The following PTPRS variants were observed in gnomAD, a reference collection of about 807,000 sequenced individuals.
PTPRS encodes the protein receptor-type tyrosine-protein phosphatase S.
In PTPRS, 63 loss-of-function variants were observed where a neutral mutation model predicts 215.3. That is an observed-to-expected ratio of 0.29 (90% confidence interval 0.24 to 0.36). PTPRS has a LOEUF of 0.36. PTPRS is among the 10% of genes least tolerant of loss of function. PTPRS has a pLI of 1.00. For synonymous variants in PTPRS, 1,404 were observed against 1,191.4 expected, an observed-to-expected ratio of 1.18 and a Z score of -3.68; for missense variants, 2,258 against 2,825.8, an observed-to-expected ratio of 0.80 and a Z score of 4.56.
Position 5,244,105 on chromosome 19 carries a change from G to C in PTPRS, c.1366C>G (p.Leu456Val), listed in dbSNP as rs1332041184. ...QWEEPVEPNG[L>V]IRGYRVYYTM... is the part of the protein sequence containing the mutation. ...TAGTAGACGCGGTAGCCGCGGATCA[G>C]GCCGTTGGGCTCCACCGGCTCCTCC... Residue 456 changes from leucine (L) to valine (V), a missense_variant, in exon 11 of 38, where the codon CTG becomes GTG. Physicochemically the swap from Leu to Val is conservative, Grantham distance 32. Around this residue, in one of 6 missense-constraint regions of PTPRS, gnomAD observed 508 missense variants for 799.4 expected, o/e 0.64. Transcript: ENST00000262963. This position sits in a 1 kb window ranked among gnomAD's most constrained non-coding sequence, Gnocchi z 7.2. 6 of 1,608,596 alleles carry C rather than the reference G, an allele frequency of 3.7e-6. No individual in the cohort carries two copies. Among genetic ancestry groups the C allele is most frequent in the Non-Finnish European group, 5.1e-6 (6 of 1,178,798 alleles).
At chr19:5,239,669 G>C (rs117001259) in intron 12 of PTPRS, among the ~76,000 whole-genome samples, 3,795 of 151,536 alleles carry the variant, frequency 0.025, 87 homozygotes, top group Middle Eastern at 0.09. Context: ...CAGAGAAAGA[G>C]AGGAGAGAGA....
rs576944701 is a variant in PTPRS, at chr19:5,339,395, C to T, written c.-95+1269G>A. ...CGATTTGAGACTGGGGAAAGAGGGT[C>T]AACCGAAGAAGGAGGTCCCAGATTT... On this transcript the variant is annotated intron_variant, in intron 1 of 37. Coordinates refer to ENST00000262963, the MANE Select transcript of PTPRS (RefSeq NM_002850.4). This position sits in a 1 kb window ranked among gnomAD's most constrained non-coding sequence, Gnocchi z 4.2. Among the ~76,000 whole-genome samples, 2 of 151,684 alleles carry T rather than the reference C, an allele frequency of 1.3e-5. No individual in the cohort carries two copies. The highest frequency in any genetic ancestry group is 2.9e-5 in the Non-Finnish European group (2 of 67,936).
rs200677865 is a variant in PTPRS at position 5,223,216 on chromosome 19, G to A, written c.2576C>T (p.Ala859Val). The A allele has an allele frequency of 5.3e-6, 8 of 1,508,974 alleles. No homozygotes were observed. The highest frequency in any genetic ancestry group is 4.2e-5 in the Admixed American group (2 of 47,062). 93.5% of individuals were successfully genotyped at this position (1,508,974 alleles called of 1,614,324 possible). The change falls in exon 18 of 38, where the codon GCG becomes GTG. Residue 859 changes from alanine to valine, a missense_variant. This residue lies in a region of PTPRS where 361 missense variants were observed against 332.6 expected (regional missense o/e 1.09). Coordinates refer to ENST00000262963, the MANE Select transcript of PTPRS (RefSeq NM_002850.4). ...LARWEPPAGTAEDQVLGYRLQ... is the reference protein window; with the variant it reads ...LARWEPPAGTVEDQVLGYRLQ... Reference sequence around the variant, plus strand: ...GCGGTAGCCCAGCACCTGGTCCTCCGCGGTGCCAGCCGGGGGCTCCCAGCG... The same window carrying A: ...GCGGTAGCCCAGCACCTGGTCCTCCACGGTGCCAGCCGGGGGCTCCCAGCG...
intron 4 of PTPRS, among the ~76,000 whole-genome samples, chr19:5,270,347 G>A (rs2046805117): frequency 7.0e-6 from 1 of 142,018 alleles, no homozygotes; most frequent in African/African-American, 2.7e-5. Flanking sequence ...CTGGGGTGCA[G>A]TAGCATGATC....
intron 33 of PTPRS, 57 bp downstream of exon 33, chr19:5,211,533 T>G: frequency 1.9e-4 from 297 of 1,538,286 alleles, no homozygotes; most frequent in Non-Finnish European, 2.3e-4. Flanking sequence ...GGAGGCCTCT[T>G]GAGAGTAGAG....
In PTPRS at chr19:5,273,251, C is replaced by A. The variant is rs2047071569; in HGVS notation, c.379+191G>T. The A allele has an allele frequency of 8.8e-6, 6 of 682,334 alleles. No homozygotes were observed. In the South Asian group the frequency reaches 1.1e-4, roughly 13 times the overall value. The allele number at this position is 682,334 out of a possible 1,614,324, so 42.3% of individuals were successfully genotyped here. A position where few individuals can be genotyped will look rare whatever the true frequency, so the allele number is the denominator to read the frequency against. On this transcript the variant is annotated intron_variant, in intron 4 of 37. Coordinates refer to ENST00000262963, the MANE Select transcript of PTPRS (RefSeq NM_002850.4). Reference sequence around the variant, plus strand: ...AGTCTCTCAATTCCTTTCTTTCTTGCAAAGGCACAATAAATCCCCACCAGT... The same window carrying A: ...AGTCTCTCAATTCCTTTCTTTCTTGAAAAGGCACAATAAATCCCCACCAGT...
chr19:5,285,803 C>T (rs1285453451), intron 2 of PTPRS, among the ~76,000 whole-genome samples: 1 of 152,228 alleles, frequency 6.6e-6, no homozygotes, highest in Non-Finnish European at 1.5e-5. Context: ...GCTGGGGAAA[C>T]AGACGCCGTC....
intron 1 of PTPRS, among the ~76,000 whole-genome samples, chr19:5,306,737 G>A (rs1600087578): frequency 6.6e-6 from 1 of 152,306 alleles, no homozygotes; most frequent in East Asian, 1.9e-4. Context: ...GTGAAGGGCA[G>A]CTGGGGTGGA....
intron 13 of PTPRS, among the ~76,000 whole-genome samples, chr19:5,236,818 G>C (rs376966689): frequency 3.3e-5 from 5 of 150,956 alleles, no homozygotes; most frequent in Non-Finnish European, 5.9e-5. Flanking sequence ...AGGTGCCCGG[G>C]GGGTGCGGGG....
chr19:5,301,700 C>T (rs1201436071), intron 1 of PTPRS, among the ~76,000 whole-genome samples: 1 of 152,024 alleles, frequency 6.6e-6, no homozygotes, highest in Non-Finnish European at 1.5e-5. Flanking sequence ...CCCCTCTACA[C>T]CCACCAGTCC....
At position 5,223,274 on chromosome 19, in the gene PTPRS, C is replaced by A; in HGVS notation, c.2518G>T (p.Val840Leu). 2 of 1,468,962 alleles carry A rather than the reference C, an allele frequency of 1.4e-6. No homozygotes were observed. Among genetic ancestry groups the A allele is most frequent in the Non-Finnish European group, 1.8e-6 (2 of 1,115,652 alleles). 91.0% of individuals were successfully genotyped at this position (1,468,962 alleles called of 1,614,324 possible). ...GAVLGRPTLS[V>L]QQTPEGSLLA... is the part of the protein sequence containing the mutation. Reference sequence around the variant, plus strand: ...AGGCTGCCCTCGGGGGTCTGCTGCACCGACAGGGTTGGGCGGCCCAGCACT... The same window carrying A: ...AGGCTGCCCTCGGGGGTCTGCTGCAACGACAGGGTTGGGCGGCCCAGCACT... The change falls in exon 18 of 38, where the codon GTG (valine) becomes TTG (leucine). Residue 840 changes from valine to leucine, a missense_variant. Coordinates refer to ENST00000262963, the MANE Select transcript of PTPRS (RefSeq NM_002850.4).
At position 5,244,065 on chromosome 19, in the gene PTPRS, T is replaced by C; in HGVS notation, c.1406A>G (p.Glu469Gly). The C allele has an allele frequency of 6.2e-7, 1 of 1,610,750 alleles. No individual in the cohort carries two copies. Among genetic ancestry groups the C allele is most frequent in the Non-Finnish European group, 8.5e-7 (1 of 1,179,892 alleles). The change falls in exon 11 of 38, where the codon GAG becomes GGG. Residue 469 changes from glutamate to glycine, a missense_variant. Physicochemically the swap from Glu to Gly is moderately conservative, Grantham distance 98 (BLOSUM62 -2). This residue lies in a region of PTPRS where 508 missense variants were observed against 799.4 expected (regional missense o/e 0.64). Transcript: ENST00000262963. The surrounding 1 kb of genome is among the most constrained non-coding windows in gnomAD (Gnocchi z 7.2). ...GYRVYYTMEPEHPVGNWQKHN... is the reference protein window; with the variant it reads ...GYRVYYTMEPGHPVGNWQKHN... ...CTTCTGCCAGTTGCCCACGGGGTGC[T>C]CCGGTTCCATGGTGTAGTAGACGCG... is the stretch of plus-strand genomic sequence containing the variant.
At chr19:5,241,621 A>G (rs2044046765) in intron 11 of PTPRS, among the ~76,000 whole-genome samples, 1 of 151,758 alleles carries the variant, frequency 6.6e-6, no homozygotes, top group South Asian at 2.1e-4. Context: ...TCCATTCTGT[A>G]TCCGCTCACA....
intron 9 of PTPRS, among the ~76,000 whole-genome samples, chr19:5,247,360 G>A (rs747968714): frequency 2.0e-5 from 3 of 152,180 alleles, no homozygotes; most frequent in South Asian, 2.1e-4. Context: ...CTCCGTTTTC[G>A]GAAGTCAGAT....
At chr19:5,236,005 C>T (rs767990437) in intron 13 of PTPRS, among the ~76,000 whole-genome samples, 3 of 152,194 alleles carry the variant, frequency 2.0e-5, no homozygotes, top group African/African-American at 4.8e-5. Context: ...TCTCATTTAA[C>T]GCATGTATCA....
At chr19:5,246,364 T>C (rs1490042617) in intron 9 of PTPRS, among the ~76,000 whole-genome samples, 6 of 152,156 alleles carry the variant, frequency 3.9e-5, no homozygotes, top group Admixed American at 3.9e-4. Context: ...TATATCAATA[T>C]ATAATAGACA....
intron 2 of PTPRS, among the ~76,000 whole-genome samples, chr19:5,282,170 T>C (rs2047907386): frequency 6.6e-6 from 1 of 151,684 alleles, no homozygotes; most frequent in Non-Finnish European, 1.5e-5. Flanking sequence ...GCTCCCAACA[T>C]CACTGCCTGC....
chr19:5,273,918 G>C (rs1704790574), intron 3 of PTPRS, among the ~76,000 whole-genome samples: 2 of 152,314 alleles, frequency 1.3e-5, no homozygotes, highest in Middle Eastern at 6.8e-3. Context: ...GGCGTGTATT[G>C]AGAGTTGTAA....
intron 17 of PTPRS, among the ~76,000 whole-genome samples, chr19:5,225,157 A>T (rs927986301): frequency 6.6e-6 from 1 of 152,040 alleles, no homozygotes; most frequent in Non-Finnish European, 1.5e-5. Flanking sequence ...GGGACAATGG[A>T]GGGGCTAGAA....
Sources: allele counts gnomAD v4.1 joint callset (sites outside exome capture counted in the v4.1 genomes callset), GRCh38; gene constraint gnomAD v4.1.1; regional missense constraint gnomAD v4.1.1; non-coding constraint Gnocchi (gnomAD v3.1); transcripts MANE v1.5; gene names NCBI Gene and HGNC (gene_info 2026-07-23, HGNC 2026-07-21).